The following PHACTR1 variants were observed in gnomAD, a reference collection of about 807,000 sequenced individuals.
PHACTR1 encodes phosphatase and actin regulator 1.
A neutral mutation model predicts 69.2 loss-of-function variants in PHACTR1; 16 were observed. The observed-to-expected ratio is 0.23, with a 90% CI of 0.16 to 0.35. PHACTR1 has a LOEUF of 0.35. Among genes scored for constraint, PHACTR1 ranks in the 10% least tolerant of loss-of-function variants. The probability of loss-of-function intolerance (pLI) is 1.00; values close to 1 mark genes in which losing one functional copy is unlikely to be tolerated. For synonymous variants in PHACTR1, 312 were observed against 284.5 expected, an observed-to-expected ratio of 1.10 and a Z score of -0.97; for missense variants, 510 against 734.7, an observed-to-expected ratio of 0.69 and a Z score of 3.54.
chr6:13,049,177 G>C (rs1332886036), intron 4 of PHACTR1, among the ~76,000 whole-genome samples: 1 of 151,864 alleles, frequency 6.6e-6, no homozygotes, highest in Non-Finnish European at 1.5e-5. Context: ...ATTTTAATGG[G>C]GCAATTTCAG....
At chr6:13,215,483 T>C (rs765798780) in intron 8 of PHACTR1, among the ~76,000 whole-genome samples, 10 of 152,200 alleles carry the variant, frequency 6.6e-5, no homozygotes, top group Non-Finnish European at 1.3e-4. Flanking sequence ...TGTCTCCAGA[T>C]AGAGAATGAG....
intron 4 of PHACTR1, among the ~76,000 whole-genome samples, chr6:12,794,317 G>A (rs946559708): frequency 2.0e-5 from 3 of 152,196 alleles, no homozygotes; most frequent in Non-Finnish European, 4.4e-5. Context: ...AGTGTTAAGG[G>A]TATCCTTGCT....
At chr6:12,905,149 G>A (rs558045140) in intron 4 of PHACTR1, among the ~76,000 whole-genome samples, 43 of 152,288 alleles carry the variant, frequency 2.8e-4, no homozygotes, top group African/African-American at 9.4e-4. Flanking sequence ...ATGGGGACAA[G>A]ATAGCTATAG....
chr6:12,758,837 T>G (rs1357671118), intron 4 of PHACTR1, among the ~76,000 whole-genome samples: 1 of 151,702 alleles, frequency 6.6e-6, no homozygotes, highest in African/African-American at 2.4e-5. Context: ...AAAAAGAAAA[T>G]TGGGGCCAGG....
chr6:12,878,549 G>A (rs1229460604), intron 4 of PHACTR1, among the ~76,000 whole-genome samples: 1 of 152,172 alleles, frequency 6.6e-6, no homozygotes, highest in African/African-American at 2.4e-5. Context: ...TCATCTTACA[G>A]GGGAACCCCA....
intron 4 of PHACTR1, among the ~76,000 whole-genome samples, chr6:12,984,957 T>C (rs1055169889): frequency 6.6e-6 from 1 of 152,248 alleles, no homozygotes; most frequent in Non-Finnish European, 1.5e-5. Context: ...ATTTTGAGTT[T>C]GAAACTTCTC....
intron 4 of PHACTR1, among the ~76,000 whole-genome samples, chr6:12,771,999 C>T (rs1422178723): frequency 6.6e-6 from 1 of 152,100 alleles, no homozygotes; most frequent in Non-Finnish European, 1.5e-5. Flanking sequence ...TTCTTTCAGC[C>T]AAGCCGTAGA....
chr6:13,215,122 G>T (rs528375701), intron 8 of PHACTR1, among the ~76,000 whole-genome samples: 1 of 152,296 alleles, frequency 6.6e-6, no homozygotes, highest in South Asian at 2.1e-4. Context: ...AGAAAGGATG[G>T]TACCTGTGTT....
At chr6:12,819,158 A>G (rs986097808) in intron 4 of PHACTR1, among the ~76,000 whole-genome samples, 3 of 152,296 alleles carry the variant, frequency 2.0e-5, no homozygotes, top group African/African-American at 7.2e-5. Flanking sequence ...CTCTATTTCC[A>G]TACCATAATG....
chr6:13,199,005 G>A (rs1019923528), intron 7 of PHACTR1, among the ~76,000 whole-genome samples: 4 of 152,174 alleles, frequency 2.6e-5, no homozygotes, highest in African/African-American at 9.7e-5. Flanking sequence ...GGGCACCACT[G>A]TGGACTTATT....
intron 4 of PHACTR1, among the ~76,000 whole-genome samples, chr6:13,029,797 G>A (rs2127687323): frequency 6.6e-6 from 1 of 152,368 alleles, no homozygotes. Flanking sequence ...CAGTGCATAT[G>A]TAAATAAGAA....
rs538677491 is a variant in PHACTR1, at chr6:13,014,148, C to T, written c.251-39217C>T. ...GGAGGACGCCCGGGACGGTGAGTGCCGGGGCCCGTCGGGGCGGCGGCGGCG... is the reference window on the plus strand; with the variant it reads ...GGAGGACGCCCGGGACGGTGAGTGCTGGGGCCCGTCGGGGCGGCGGCGGCG... On this transcript the variant is annotated intron_variant, in intron 4 of 14. Transcript: ENST00000332995. Among the ~76,000 whole-genome samples the T allele has an allele frequency of 2.2e-4, 33 of 152,024 alleles. No homozygotes were observed. In the South Asian group the frequency reaches 5.8e-3, roughly 27 times the overall value.
chr6:12,718,769 T>A lies in PHACTR1; in HGVS notation c.25T>A (p.Phe9Ile). ...GATGGATTATCCCAAAATGGATTATTTTCTGGATGTAGAGTCTGCTCACAG... is the reference window on the plus strand; with the variant it reads ...GATGGATTATCCCAAAATGGATTATATTCTGGATGTAGAGTCTGCTCACAG... MDYPKMDYFLDVESAHRLL... is the reference protein window; with the variant it reads MDYPKMDYILDVESAHRLL... The change falls in exon 3 of 15, where the codon TTT becomes ATT. Residue 9 changes from phenylalanine (F) to isoleucine (I), a missense_variant. Around this residue, in one of 2 missense-constraint regions of PHACTR1, gnomAD observed 419 missense variants for 530.9 expected, o/e 0.79. Coordinates refer to ENST00000332995, the MANE Select transcript of PHACTR1 (RefSeq NM_030948.6). 6.4e-7 allele frequency: 1 copy of A among 1,562,738 alleles called. No homozygotes were observed. The highest frequency in any genetic ancestry group is 8.7e-7 in the Non-Finnish European group (1 of 1,150,266).
At chr6:13,270,849 C>G (rs956493638) in intron 10 of PHACTR1, among the ~76,000 whole-genome samples, 2 of 151,994 alleles carry the variant, frequency 1.3e-5, no homozygotes, top group Admixed American at 1.3e-4. Flanking sequence ...GTTCTGCAGG[C>G]TATACAGGCA....
chr6:12,924,445 A>G (rs946281478), intron 4 of PHACTR1, among the ~76,000 whole-genome samples: 17 of 152,236 alleles, frequency 1.1e-4, no homozygotes, highest in Non-Finnish European at 2.4e-4. Context: ...ACTAATTTCC[A>G]TGAACTCTTA....
At chr6:12,892,115 C>T (rs988326420) in intron 4 of PHACTR1, among the ~76,000 whole-genome samples, 1 of 149,940 alleles carries the variant, frequency 6.7e-6, no homozygotes, top group African/African-American at 2.5e-5. Flanking sequence ...AACTCTCAAC[C>T]TTTCCAAATA....
intron 4 of PHACTR1, among the ~76,000 whole-genome samples, chr6:12,945,733 G>A (rs955854530): frequency 2.6e-5 from 4 of 152,054 alleles, no homozygotes; most frequent in Non-Finnish European, 5.9e-5. Flanking sequence ...GGAGGCGGAG[G>A]CAGGCAGATC....
intron 4 of PHACTR1, among the ~76,000 whole-genome samples, chr6:12,817,348 C>T (rs1015087429): frequency 6.6e-6 from 1 of 152,128 alleles, no homozygotes; most frequent in Non-Finnish European, 1.5e-5. Flanking sequence ...TTCTACCCAT[C>T]AAAACCAAGA....
intron 4 of PHACTR1, among the ~76,000 whole-genome samples, chr6:12,844,674 G>A (rs753112349): frequency 3.9e-5 from 6 of 151,972 alleles, no homozygotes; most frequent in Non-Finnish European, 7.4e-5. Flanking sequence ...AGAAATACTA[G>A]ATGGAACATC....
Sources: gnomAD v4.1 joint callset for allele counts (sites outside exome capture counted in the v4.1 genomes callset) on GRCh38, gnomAD v4.1.1 for gene constraint, gnomAD v4.1.1 regional missense constraint, MANE v1.5 for transcripts, NCBI Gene and HGNC (gene_info 2026-07-23, HGNC 2026-07-21) for gene names.